SYT9: variants seen among roughly 807,000 people sequenced by gnomAD.
The protein encoded by SYT9 is synaptotagmin-9.
In SYT9, 22 loss-of-function variants were observed where a neutral mutation model predicts 48.4. The observed-to-expected ratio is 0.45, with a 90% CI of 0.32 to 0.65. The LOEUF (loss-of-function observed/expected upper bound fraction) is 0.65, where lower values mean the gene tolerates loss of function less well. SYT9 is among the 30% of genes least tolerant of loss of function. SYT9 has a pLI of 0.03. For synonymous variants in SYT9, 265 were observed against 245.0 expected (o/e 1.08, Z -0.76); for missense variants, 577 against 622.0 (o/e 0.93, Z 0.77).
At chr11:7,466,099 C>T (rs555407762) in intron 6 of SYT9, among the ~76,000 whole-genome samples, 1 of 152,266 alleles carries the variant, frequency 6.6e-6, no homozygotes, top group Non-Finnish European at 1.5e-5. Flanking sequence ...TGTGATGATT[C>T]CTTCAATGCA....
chr11:7,359,140 G>T (rs1419271560), intron 3 of SYT9, among the ~76,000 whole-genome samples: 1 of 139,342 alleles, frequency 7.2e-6, no homozygotes, highest in African/African-American at 2.7e-5. Flanking sequence ...TGAGAATGAT[G>T]ATTTCCAATT....
intron 3 of SYT9, among the ~76,000 whole-genome samples, chr11:7,354,961 A>T (rs1239945362): frequency 6.6e-6 from 1 of 152,078 alleles, no homozygotes; most frequent in Non-Finnish European, 1.5e-5. Context: ...AGATATTAAC[A>T]CCTGAATTTA....
intron 3 of SYT9, among the ~76,000 whole-genome samples, chr11:7,415,374 T>A (rs528918724): frequency 1.9e-4 from 29 of 152,290 alleles, no homozygotes; most frequent in African/African-American, 6.5e-4. Flanking sequence ...CGTGTGCTGG[T>A]CTGCACAGAT....
At chr11:7,309,881 CT>C (rs1224035513) in intron 2 of SYT9, among the ~76,000 whole-genome samples, 1 of 152,126 alleles carries the variant, frequency 6.6e-6, no homozygotes, top group Non-Finnish European at 1.5e-5. Flanking sequence ...CCAGTAAACT[CT>C]AACTCTCTTC....
intron 6 of SYT9, among the ~76,000 whole-genome samples, chr11:7,424,443 G>A (rs56351387): frequency 8.9e-4 from 135 of 152,226 alleles, no homozygotes; most frequent in Admixed American, 2.2e-3. Context: ...GATGGTTTCG[G>A]CCTGGCCATA....
chr11:7,466,566 C>T (rs1291447898), intron 6 of SYT9, among the ~76,000 whole-genome samples: 6 of 151,884 alleles, frequency 4.0e-5, no homozygotes, highest in African/African-American at 1.5e-4. Context: ...ACTAAAAATA[C>T]AAAAATTAGC....
At chr11:7,282,250 A>G (rs1848507898) in intron 1 of SYT9, among the ~76,000 whole-genome samples, 1 of 152,238 alleles carries the variant, frequency 6.6e-6, no homozygotes, top group Non-Finnish European at 1.5e-5. Flanking sequence ...ATTCTTTCAT[A>G]TTATAAAGAA....
intron 3 of SYT9, among the ~76,000 whole-genome samples, chr11:7,391,909 C>CT (rs1172594951): frequency 6.6e-6 from 1 of 151,856 alleles, no homozygotes; most frequent in African/African-American, 2.4e-5. Flanking sequence ...GAGTGAGACT[C>CT]TGTCTCAAAA....
At chr11:7,364,852 G>A (rs558353126) in intron 3 of SYT9, among the ~76,000 whole-genome samples, 6 of 152,276 alleles carry the variant, frequency 3.9e-5, no homozygotes, top group African/African-American at 1.4e-4. Flanking sequence ...TTCATGGCTG[G>A]GGAGCTCTGC....
intron 3 of SYT9, among the ~76,000 whole-genome samples, chr11:7,393,023 A>G (rs563402667): frequency 4.6e-5 from 7 of 152,270 alleles, no homozygotes; most frequent in South Asian, 2.1e-4. Context: ...TTTTCTAGGT[A>G]TAGAATCATA....
chr11:7,238,789 C>G, exon 1 of SYT9: 1 of 453,872 alleles, frequency 2.2e-6, no homozygotes, highest in Non-Finnish European at 4.4e-6. Flanking sequence ...CAGTCCTGAG[C>G]TTTGTCAACA....
Position 7,467,974 on chromosome 11 carries a change from G to T in SYT9, c.*1174G>T. On this transcript the variant is annotated 3_prime_UTR_variant, in exon 7 of 7. Transcript: ENST00000318881. ...AGTCTGCCAACCAATGGCCAGCTATGCGCCTCATCCTCATTGCTTCTGCCT... is the reference window on the plus strand; with the variant it reads ...AGTCTGCCAACCAATGGCCAGCTATTCGCCTCATCCTCATTGCTTCTGCCT... The T allele has an allele frequency of 3.4e-6, 1 of 291,644 alleles. No individual in the cohort carries two copies. The highest frequency in any genetic ancestry group is 6.3e-6 in the Non-Finnish European group (1 of 158,782). The allele number at this position is 291,644 out of a possible 1,614,324, so 18.1% of individuals were successfully genotyped here. A position where few individuals can be genotyped will look rare whatever the true frequency, so the allele number is the denominator to read the frequency against.
intron 3 of SYT9, among the ~76,000 whole-genome samples, chr11:7,395,163 C>T (rs542099979): frequency 6.6e-6 from 1 of 152,034 alleles, no homozygotes; most frequent in Non-Finnish European, 1.5e-5. Context: ...TATCCCTCAC[C>T]CACCTCCCAC....
chr11:7,372,240 G>A (rs1475715362), intron 3 of SYT9, among the ~76,000 whole-genome samples: 1 of 152,064 alleles, frequency 6.6e-6, no homozygotes, highest in Non-Finnish European at 1.5e-5. Flanking sequence ...GACTAATGAT[G>A]AGCACCATAT....
chr11:7,377,248 A>T (rs1850471151), intron 3 of SYT9, among the ~76,000 whole-genome samples: 1 of 151,856 alleles, frequency 6.6e-6, no homozygotes, highest in Admixed American at 6.6e-5. Flanking sequence ...ATTAGTTAAC[A>T]TATGTATTTC....
chr11:7,252,014 C>A lies in SYT9; in HGVS notation c.-173C>A. 1.5e-6 allele frequency: 1 copy of A among 645,230 alleles called. No individual in the cohort carries two copies. The highest frequency in any genetic ancestry group is 4.7e-4 in the Middle Eastern group (1 of 2,134). The allele number at this position is 645,230 out of a possible 1,614,324, so 40.0% of individuals were successfully genotyped here. The stretch of plus-strand genomic sequence containing the variant: ...CGGCTGGCGAAGAGCTGCATGCAAC[C>A]GGTGGGAGGCCGGGCCGGCTGGGTC... On this transcript the variant is annotated 5_prime_UTR_variant, in exon 1 of 7. Coordinates refer to ENST00000318881, the MANE Select transcript of SYT9 (RefSeq NM_175733.4). The surrounding 1 kb of genome is among the most constrained non-coding windows in gnomAD (Gnocchi z 6.3).
At chr11:7,455,204 A>AG (rs1482925105) in intron 6 of SYT9, among the ~76,000 whole-genome samples, 5 of 30,910 alleles carry the variant, frequency 1.6e-4, no homozygotes, top group South Asian at 8.7e-4. Flanking sequence ...TCTTTCACTG[A>AG]GAAAAAAAAA....
chr11:7,278,194 C>T (rs1300225471), intron 1 of SYT9, among the ~76,000 whole-genome samples: 3 of 152,112 alleles, frequency 2.0e-5, no homozygotes, highest in African/African-American at 4.8e-5. Context: ...AATGTGTTAG[C>T]TCAGGCCTCT....
chr11:7,455,964 A>G (rs72846885), intron 6 of SYT9, among the ~76,000 whole-genome samples: 26,003 of 152,114 alleles, frequency 0.17, 2,663 homozygotes, highest in African/African-American at 0.27. Flanking sequence ...AAAGTCCTAC[A>G]TAATCCTCAG....
Sources: allele counts gnomAD v4.1 joint callset (sites outside exome capture counted in the v4.1 genomes callset), GRCh38; gene constraint gnomAD v4.1.1; non-coding constraint Gnocchi (gnomAD v3.1); transcripts MANE v1.5; gene names NCBI Gene and HGNC (gene_info 2026-07-23, HGNC 2026-07-21).